DPP10: variants seen among roughly 807,000 people sequenced by gnomAD.
DPP10 encodes the protein dipeptidyl peptidase like 10, also known as inactive dipeptidyl peptidase 10.
A neutral mutation model predicts 120.9 loss-of-function variants in DPP10; 33 were observed. The observed-to-expected ratio is 0.27, with a 90% CI of 0.21 to 0.37. The LOEUF is 0.37. Among genes scored for constraint, DPP10 ranks in the 10% least tolerant of loss-of-function variants. DPP10 has a pLI of 1.00. For missense variants in DPP10, 816 were observed against 942.8 expected, an observed-to-expected ratio of 0.87 and a Z score of 1.76; for synonymous variants, 337 against 326.1, an observed-to-expected ratio of 1.03 and a Z score of -0.36.
chr2:115,809,951 C>T (rs192107610), intron 19 of DPP10, among the ~76,000 whole-genome samples: 2 of 152,254 alleles, frequency 1.3e-5, no homozygotes, highest in African/African-American at 4.8e-5. Flanking sequence ...ATCACGAGGT[C>T]AGGAGATCGA....
chr2:115,409,979 A>G (rs1317156524), intron 3 of DPP10, among the ~76,000 whole-genome samples: 1 of 152,216 alleles, frequency 6.6e-6, no homozygotes, highest in Non-Finnish European at 1.5e-5. Context: ...ACAAAGGCAT[A>G]AGAACGATAT....
At chr2:114,752,562 C>G (rs575262163) in intron 1 of DPP10, among the ~76,000 whole-genome samples, 4 of 152,298 alleles carry the variant, frequency 2.6e-5, no homozygotes, top group African/African-American at 9.6e-5. Flanking sequence ...TACTCACCGC[C>G]AAGAGCCTGA....
At chr2:115,754,211 C>T (rs1369215671) in intron 11 of DPP10, among the ~76,000 whole-genome samples, 2 of 152,094 alleles carry the variant, frequency 1.3e-5, no homozygotes, top group South Asian at 4.2e-4. Context: ...GGAGAACCAG[C>T]GTTTGAGGCT....
chr2:114,553,275 C>T (rs1688033076), intron 1 of DPP10, among the ~76,000 whole-genome samples: 1 of 152,208 alleles, frequency 6.6e-6, no homozygotes, highest in Non-Finnish European at 1.5e-5. Context: ...TCCACATCAG[C>T]TGTTCATTTT....
In DPP10 at chr2:115,315,659, C is replaced by CA. The variant is rs564497072; in HGVS notation, c.175+6309dup. On this transcript the variant is annotated intron_variant, in intron 2 of 25. Coordinates refer to ENST00000410059, the MANE Select transcript of DPP10 (RefSeq NM_020868.6). The stretch of plus-strand genomic sequence containing the variant: ...GTAAACATCGGCATCAATCAAGATG[C>CA]AAATTGTTTATTTTGTTGAATTAAA... 4.6e-3 allele frequency among the ~76,000 whole-genome samples: 699 copies of CA among 152,172 alleles called. 21 individuals carry two copies. Among genetic ancestry groups the CA allele is most frequent in the Non-Finnish European group, 1.3e-3 (87 of 67,982 alleles).
intron 3 of DPP10, among the ~76,000 whole-genome samples, chr2:115,441,282 C>T (rs2072021241): frequency 6.6e-6 from 1 of 152,122 alleles, no homozygotes; most frequent in Non-Finnish European, 1.5e-5. Flanking sequence ...TGTACTGAAT[C>T]CCGAGTTGGG....
intron 1 of DPP10, among the ~76,000 whole-genome samples, chr2:115,030,057 CA>C (rs1248099436): frequency 6.6e-6 from 1 of 152,250 alleles, no homozygotes; most frequent in Non-Finnish European, 1.5e-5. Context: ...GGACTTTCAA[CA>C]ATGAATTTCT....
intron 1 of DPP10, among the ~76,000 whole-genome samples, chr2:115,294,205 C>T (rs1479583738): frequency 6.6e-6 from 1 of 152,016 alleles, no homozygotes; most frequent in East Asian, 1.9e-4. Flanking sequence ...TTGAATCATT[C>T]TGAAGAAGTT....
At chr2:115,272,515 G>A (rs2059740908) in intron 1 of DPP10, among the ~76,000 whole-genome samples, 2 of 152,206 alleles carry the variant, frequency 1.3e-5, no homozygotes, top group Admixed American at 6.5e-5. Context: ...AAGATTACTT[G>A]TTAATTTTCA....
At chr2:115,831,862 C>T (rs538706972) in intron 21 of DPP10, among the ~76,000 whole-genome samples, 35 of 152,244 alleles carry the variant, frequency 2.3e-4, no homozygotes, top group Admixed American at 6.5e-4. Context: ...AATGACAAAA[C>T]AATTTTAATG....
chr2:114,973,279 A>T (rs1048421842), intron 1 of DPP10, among the ~76,000 whole-genome samples: 1 of 151,872 alleles, frequency 6.6e-6, no homozygotes, highest in Non-Finnish European at 1.5e-5. Flanking sequence ...TATAGAACAT[A>T]ATCCTTGATA....
At chr2:115,051,148 T>G (rs182593572) in intron 1 of DPP10, among the ~76,000 whole-genome samples, 3 of 152,282 alleles carry the variant, frequency 2.0e-5, no homozygotes, top group Admixed American at 2.0e-4. Flanking sequence ...AAGAAGCCAT[T>G]CATATAAACT....
intron 3 of DPP10, among the ~76,000 whole-genome samples, chr2:115,346,143 G>T (rs2063699859): frequency 6.6e-6 from 1 of 152,074 alleles, no homozygotes; most frequent in Admixed American, 6.6e-5. Flanking sequence ...AGATCTTTCT[G>T]GCAAGTGCTA....
intron 1 of DPP10, among the ~76,000 whole-genome samples, chr2:115,147,533 TAGAC>T (rs1199536632): frequency 1.3e-5 from 2 of 152,104 alleles, no homozygotes; most frequent in Admixed American, 6.6e-5. Context: ...TTAAAGGAGT[TAGAC>T]AGTGCCTGAT....
chr2:114,501,300 C>T (rs1052932445), intron 1 of DPP10, among the ~76,000 whole-genome samples: 28 of 152,120 alleles, frequency 1.8e-4, no homozygotes, highest in Non-Finnish European at 3.8e-4. Context: ...TGTGAAACAC[C>T]TGTCCAAGTA....
chr2:114,806,403 A>T (rs1398011073), intron 1 of DPP10, among the ~76,000 whole-genome samples: 1 of 152,254 alleles, frequency 6.6e-6, no homozygotes, highest in Non-Finnish European at 1.5e-5. Flanking sequence ...TTACAATTTT[A>T]GAATCCAAGC....
chr2:114,691,552 T>C (rs1255887684), intron 1 of DPP10, among the ~76,000 whole-genome samples: 1 of 152,116 alleles, frequency 6.6e-6, no homozygotes, highest in Non-Finnish European at 1.5e-5. Flanking sequence ...TCTGCCAGGT[T>C]TTTGTATCCG....
intron 10 of DPP10, among the ~76,000 whole-genome samples, chr2:115,750,823 G>A (rs951717055): frequency 1.3e-5 from 2 of 152,072 alleles, no homozygotes; most frequent in African/African-American, 2.4e-5. Flanking sequence ...TGTCATGCCT[G>A]TGAGGTGTTG....
chr2:115,302,953 T>G (rs1034675598), intron 1 of DPP10, among the ~76,000 whole-genome samples: 1 of 152,080 alleles, frequency 6.6e-6, no homozygotes, highest in Non-Finnish European at 1.5e-5. Flanking sequence ...AAGTGCAACT[T>G]AAATATAAGA....
Sources: allele counts gnomAD v4.1 joint callset (sites outside exome capture counted in the v4.1 genomes callset), GRCh38; gene constraint gnomAD v4.1.1; transcripts MANE v1.5; gene names NCBI Gene and HGNC (gene_info 2026-07-23, HGNC 2026-07-21).